Variants in BCAP29 observed in about 807,000 individuals in gnomAD.
BCAP29 encodes the protein B-cell receptor-associated protein 29.
A neutral mutation model predicts 31.8 loss-of-function variants in BCAP29; 34 were observed. That is an observed-to-expected ratio of 1.07 (90% CI 0.81 to 1.42). The LOEUF is 1.42. BCAP29 is among the 40% of genes most tolerant of loss of function. BCAP29 has a pLI of 0.00. For missense variants in BCAP29, 314 were observed against 269.2 expected, an observed-to-expected ratio of 1.17 and a Z score of -1.16; for synonymous variants, 104 against 91.3, an observed-to-expected ratio of 1.14 and a Z score of -0.79.
chr7:107,611,848 C>T (rs2129285642), intron 6 of BCAP29, among the ~76,000 whole-genome samples: 1 of 152,312 alleles, frequency 6.6e-6, no homozygotes. Context: ...CACTAGCTCA[C>T]ATGTGGCTGT....
rs1047720919 is a variant in BCAP29, at chr7:107,588,158, A to G, written c.193+4176A>G. Among the ~76,000 whole-genome samples the G allele has an allele frequency of 6.6e-5, 10 of 152,328 alleles. No individual in the cohort carries two copies. The East Asian group carries it at 1.7e-3, about 26-fold the overall frequency. ...TTGTTGGTAATTTAAAAGCTGTTTTATGTATAGTGCAGCATCAAGCAAATT... is the reference window on the plus strand; with the variant it reads ...TTGTTGGTAATTTAAAAGCTGTTTTGTGTATAGTGCAGCATCAAGCAAATT... On this transcript the variant is annotated intron_variant, in intron 3 of 7. Coordinates refer to ENST00000005259, the MANE Select transcript of BCAP29 (RefSeq NM_018844.4).
At chr7:107,613,508 G>T in intron 7 of BCAP29, 76 bp downstream of exon 7, 3 of 1,354,402 alleles carry the variant, frequency 2.2e-6, no homozygotes, top group Non-Finnish European at 3.1e-6. Flanking sequence ...TGGGTTATTT[G>T]TCCTTAACTA....
chr7:107,586,404 C>T (rs1807688730), intron 3 of BCAP29, among the ~76,000 whole-genome samples: 1 of 152,166 alleles, frequency 6.6e-6, no homozygotes, highest in South Asian at 2.1e-4. Context: ...TGGCTGAAGC[C>T]TGCATCTTTG....
At chr7:107,588,260 T>A (rs892293223) in intron 3 of BCAP29, among the ~76,000 whole-genome samples, 2 of 152,138 alleles carry the variant, frequency 1.3e-5, no homozygotes, top group African/African-American at 4.8e-5. Context: ...AAATTAAGGA[T>A]TTTTTAAGTT....
At chr7:107,601,020 A>G (rs1358811709) in intron 6 of BCAP29, among the ~76,000 whole-genome samples, 1 of 152,332 alleles carries the variant, frequency 6.6e-6, no homozygotes, top group African/African-American at 2.4e-5. Flanking sequence ...TCCTTCCCAC[A>G]TAACATTGCA....
chr7:107,608,361 A>G lies in BCAP29; in HGVS notation c.590-4971A>G, dbSNP rs1052516393. Among the ~76,000 whole-genome samples, 7 of 152,190 alleles carry G rather than the reference A, an allele frequency of 4.6e-5. 1 individual carries two copies. The highest frequency in any genetic ancestry group is 1.5e-5 in the Non-Finnish European group (1 of 68,040). On this transcript the variant is annotated intron_variant, in intron 6 of 7. Transcript: ENST00000005259. ...ATTTTATAATTTGGGTTATAATTTA[A>G]TACTACTTTAGTTTATTGTTCAGGT...
At chr7:107,612,835 G>A (rs1349382574) in intron 6 of BCAP29, among the ~76,000 whole-genome samples, 1 of 151,982 alleles carries the variant, frequency 6.6e-6, no homozygotes, top group Admixed American at 6.6e-5. Flanking sequence ...TGAAAGATGG[G>A]GAGAAGAGGG....
rs778927326 is a variant in BCAP29 at position 107,594,091 on chromosome 7, C to T, written c.330C>T (p.Ser110=). 3.2e-5 allele frequency: 51 copies of T among 1,610,376 alleles called. No homozygotes were observed. In the East Asian group the frequency reaches 1.1e-3, roughly 34 times the overall value. ...GAAATCTTTACATTTCTGGATTTTCCCTATTTTTTTGGCTGTAAGTAAAAA... is the reference window on the plus strand; with the variant it reads ...GAAATCTTTACATTTCTGGATTTTCTCTATTTTTTTGGCTGTAAGTAAAAA... The part of the protein sequence containing the change: ...SQRNLYISGF[S]LFFWLVLRRL... The change falls in exon 4 of 8, where the codon TCC becomes TCT. Residue 110 remains serine, a synonymous_variant. Transcript: ENST00000005259.
At chr7:107,603,761 A>C (rs890382564) in intron 6 of BCAP29, among the ~76,000 whole-genome samples, 1 of 151,796 alleles carries the variant, frequency 6.6e-6, no homozygotes, top group African/African-American at 2.4e-5. Context: ...GTGCACCACC[A>C]TGCCCGCCTA....
chr7:107,606,229 G>C (rs1424359364), intron 6 of BCAP29, among the ~76,000 whole-genome samples: 1 of 152,100 alleles, frequency 6.6e-6, no homozygotes, highest in Non-Finnish European at 1.5e-5. Context: ...GGTAATCTTG[G>C]TGAAGTCATT....
In BCAP29 at chr7:107,580,279, G is replaced by C. The variant is rs1806331134; in HGVS notation, c.-37G>C. 1 of 152,030 alleles carries C rather than the reference G, an allele frequency of 6.6e-6. No individual in the cohort carries two copies. 9.4% of individuals were successfully genotyped at this position (152,030 alleles called of 1,614,324 possible). A position where few individuals can be genotyped will look rare whatever the true frequency, so the allele number is the denominator to read the frequency against. On this transcript the variant is annotated 5_prime_UTR_variant, in exon 1 of 8. Coordinates refer to ENST00000005259, the MANE Select transcript of BCAP29 (RefSeq NM_018844.4). ...CGTCGGCGGCCGCGGAGCAGCGCAG[G>C]GAGCCAGGCGGGCTGCCGGCGGGTA...
At chr7:107,598,186 A>C (rs1169856989) in intron 5 of BCAP29, among the ~76,000 whole-genome samples, 2 of 152,190 alleles carry the variant, frequency 1.3e-5, no homozygotes, top group Admixed American at 1.3e-4. Context: ...CAACTCAATG[A>C]TTCTCTTCTA....
intron 3 of BCAP29, among the ~76,000 whole-genome samples, chr7:107,585,718 G>A (rs577856131): frequency 3.9e-5 from 6 of 152,234 alleles, no homozygotes; most frequent in East Asian, 3.9e-4. Context: ...GGCCGGGCGC[G>A]GCGGCTCACC....
chr7:107,608,815 T>G (rs1812631160), intron 6 of BCAP29, among the ~76,000 whole-genome samples: 1 of 152,252 alleles, frequency 6.6e-6, no homozygotes, highest in African/African-American at 2.4e-5. Flanking sequence ...TCACCTGACA[T>G]TTATCATTTC....
At chr7:107,601,976 G>A (rs1450681880) in intron 6 of BCAP29, among the ~76,000 whole-genome samples, 1 of 152,150 alleles carries the variant, frequency 6.6e-6, no homozygotes, top group Non-Finnish European at 1.5e-5. Context: ...GATATTTTGA[G>A]TTTTAACTCT....
intron 5 of BCAP29, among the ~76,000 whole-genome samples, chr7:107,596,317 GTTTAC>G (rs1809803545): frequency 6.6e-6 from 1 of 152,040 alleles, no homozygotes; most frequent in African/African-American, 2.4e-5. Context: ...TTACCGTTAA[GTTTAC>G]TTTATAATCT....
chr7:107,580,027 GTC>G (rs529591300), upstream of BCAP29: 466 of 152,506 alleles, frequency 3.1e-3, 1 homozygote, highest in Non-Finnish European at 5.5e-3. Flanking sequence ...GCAGTGGAAA[GTC>G]TGTCCTCCTG....
rs559172627 is a variant in BCAP29 at position 107,611,449 on chromosome 7, C to CA, written c.590-1874dup. ...GGGGTGGTAGAGCAAGATGTTGTCT[C>CA]AAAAAAAAATAAACACCATTGCAGG... is the stretch of plus-strand genomic sequence containing the variant. On this transcript the variant is annotated intron_variant, in intron 6 of 7. Transcript: ENST00000005259. Among the ~76,000 whole-genome samples, 167 of 150,138 alleles carry CA rather than the reference C, an allele frequency of 1.1e-3. 4 individuals carry two copies. In the South Asian group the frequency reaches 0.014, roughly 13 times the overall value.
At chr7:107,599,878 G>A (rs1477363366) in intron 5 of BCAP29, among the ~76,000 whole-genome samples, 1 of 152,052 alleles carries the variant, frequency 6.6e-6, no homozygotes, top group Non-Finnish European at 1.5e-5. Context: ...ACAGTAATTT[G>A]GAAACTATTC....
Sources: gnomAD v4.1 joint callset for allele counts (sites outside exome capture counted in the v4.1 genomes callset) on GRCh38, gnomAD v4.1.1 for gene constraint, MANE v1.5 for transcripts, NCBI Gene and HGNC (gene_info 2026-07-23, HGNC 2026-07-21) for gene names.